The following TASOR variants were observed in gnomAD, a reference collection of about 807,000 sequenced individuals.
TASOR encodes transcription activation suppressor, also known as protein TASOR.
In TASOR, 53 loss-of-function variants were observed where a neutral mutation model predicts 178.6. The observed-to-expected ratio is 0.30, with a 90% CI of 0.24 to 0.37. TASOR has a LOEUF of 0.37. Ranked by LOEUF, TASOR falls within the 10% of genes least tolerant of loss-of-function variation. The probability of loss-of-function intolerance (pLI) is 1.00; values close to 1 mark genes in which losing one functional copy is unlikely to be tolerated. For synonymous variants in TASOR, 713 were observed against 696.2 expected, an observed-to-expected ratio of 1.02 and a Z score of -0.38; for missense variants, 1,815 against 1,971.4, an observed-to-expected ratio of 0.92 and a Z score of 1.50.
chr3:56,627,555 TA>T, intron 20 of TASOR, 26 bp downstream of exon 20: 1 of 1,611,742 alleles, frequency 6.2e-7, no homozygotes. Context: ...GAAGAGGAGT[TA>T]CGTGCTCAAA....
chr3:56,659,153 G>C (rs1276229821), intron 11 of TASOR, among the ~76,000 whole-genome samples: 2 of 152,086 alleles, frequency 1.3e-5, no homozygotes, highest in African/African-American at 4.8e-5. Context: ...TAAATTCTAT[G>C]TAGCCATTAA....
chr3:56,677,667 T>A (rs1424474778), intron 1 of TASOR, among the ~76,000 whole-genome samples: 59 of 152,164 alleles, frequency 3.9e-4, no homozygotes, highest in Non-Finnish European at 4.4e-5. Flanking sequence ...AATGACTGTT[T>A]CCTCACTTTA....
chr3:56,661,955 G>T (rs886579018), intron 9 of TASOR, among the ~76,000 whole-genome samples: 1 of 137,208 alleles, frequency 7.3e-6, no homozygotes, highest in Non-Finnish European at 1.5e-5. Context: ...CAAAAGCCCC[G>T]TCTCTACTAA....
At chr3:56,653,200 T>C (rs1205840965) in intron 11 of TASOR, among the ~76,000 whole-genome samples, 4 of 128,996 alleles carry the variant, frequency 3.1e-5, no homozygotes, top group Admixed American at 9.4e-5. Context: ...GAGGTGGAGG[T>C]TGCAGTCAGC....
chr3:56,682,750 G>A lies in TASOR; in HGVS notation c.257C>T (p.Pro86Leu), dbSNP rs2031919059. The change falls in exon 1 of 24, where the codon CCC becomes CTC. Residue 86 changes from proline to leucine, a missense_variant. Physicochemically the swap from Pro to Leu is moderately conservative, Grantham distance 98. Around this residue, in one of 5 missense-constraint regions of TASOR, gnomAD observed 244 missense variants for 202.7 expected, o/e 1.20. Transcript: ENST00000683822. ...DSSEAGAAAL[P>L]RGPEEPERPV... ...CCTTTCGGGCTCTTCGGGGCCTCTG[G>A]GCAGGGCGGCCGCGCCCGCCTCAGA... 7 of 1,537,076 alleles carry A rather than the reference G, an allele frequency of 4.6e-6. No individual in the cohort carries two copies. In the South Asian group the frequency reaches 6.0e-5, roughly 13 times the overall value.
chr3:56,662,297 A>G lies in TASOR; in HGVS notation c.1160+88T>C. On this transcript the variant is annotated intron_variant, in intron 9 of 23. Coordinates refer to ENST00000683822, the MANE Select transcript of TASOR (RefSeq NM_001365635.2). ...TATTGAAGTTCTTATGAACCAAAAT[A>G]AAATTTAAATATGAAAAAGAAATAA... 3 of 733,722 alleles carry G rather than the reference A, an allele frequency of 4.1e-6. No homozygotes were observed. In the South Asian group the frequency reaches 5.0e-5, roughly 12 times the overall value. The allele number at this position is 733,722 out of a possible 1,614,324, so 45.5% of individuals were successfully genotyped here.
intron 23 of TASOR, chr3:56,623,927 CTAGT>C (rs1229408177): frequency 9.1e-7 from 1 of 1,097,584 alleles, no homozygotes; most frequent in Non-Finnish European, 1.3e-6. Flanking sequence ...GATTACTAAA[CTAGT>C]TGGTTAGCAC....
At chr3:56,652,557 A>T (rs1049695920) in intron 11 of TASOR, among the ~76,000 whole-genome samples, 3 of 50,310 alleles carry the variant, frequency 6.0e-5, no homozygotes, top group South Asian at 4.5e-4. Context: ...CTGCCTATTT[A>T]AAAAAAAAAA....
At chr3:56,651,927 GA>G (rs1165117795) in intron 11 of TASOR, among the ~76,000 whole-genome samples, 1 of 152,044 alleles carries the variant, frequency 6.6e-6, no homozygotes, top group Non-Finnish European at 1.5e-5. Context: ...TAGTAGCCAA[GA>G]AATAGAAATA....
rs2029964508 is a variant in TASOR at position 56,666,325 on chromosome 3, T to C, written c.957A>G (p.Pro319=). The change falls in exon 7 of 24, where the codon CCA becomes CCG. Residue 319 remains proline, a synonymous_variant. Transcript: ENST00000683822. ...TGTAAGTAAAAGACACAACTGCATA[T>C]GGACAAACGTGTCTTGGTCTTCGCC... The part of the protein sequence containing the change: ...ELRRRPRHVC[P]YAVVSFTYKD... The C allele has an allele frequency of 1.9e-6, 3 of 1,547,082 alleles. No individual in the cohort carries two copies. The highest frequency in any genetic ancestry group is 2.5e-5 in the East Asian group (1 of 40,810).
Position 56,633,806 on chromosome 3 carries a change from T to C in TASOR, c.2985A>G (p.Thr995=). The C allele has an allele frequency of 6.2e-7, 1 of 1,614,200 alleles. No homozygotes were observed. Among genetic ancestry groups the C allele is most frequent in the Non-Finnish European group, 8.5e-7 (1 of 1,180,032 alleles). Residue 995 remains threonine, a synonymous_variant, in exon 18 of 24, where the codon ACA becomes ACG. Coordinates refer to ENST00000683822, the MANE Select transcript of TASOR (RefSeq NM_001365635.2). The stretch of plus-strand genomic sequence containing the variant: ...GCACACACTGCTCCTCCACCTGACC[T>C]GTCAACACGTCATCCTCAGTGGTGC... The part of the protein sequence containing the change: ...LKGTTEDDVL[T]GQVEEQCVPA...
chr3:56,633,069 T>A lies in TASOR; in HGVS notation c.3722A>T (p.Glu1241Val). ...CTTTATTTCTTTACAGAGCACACTC[T>A]CTTCTTCTTCATGAATATAAAATTT... ...TVKFYIHEEEESVLCKEIKEY... is the reference protein window; with the variant it reads ...TVKFYIHEEEVSVLCKEIKEY... Residue 1241 changes from glutamate to valine, a missense_variant, in exon 18 of 24, where the codon GAG (glutamate) becomes GTG (valine). Physicochemically the swap from Glu to Val is moderately radical, Grantham distance 121. Coordinates refer to ENST00000683822, the MANE Select transcript of TASOR (RefSeq NM_001365635.2). 1.9e-6 allele frequency: 3 copies of A among 1,602,368 alleles called. No individual in the cohort carries two copies. The highest frequency in any genetic ancestry group is 2.6e-6 in the Non-Finnish European group (3 of 1,175,968).
At chr3:56,663,492 T>G (rs2077643429) in intron 8 of TASOR, 49 bp downstream of exon 8, 5 of 950,290 alleles carry the variant, frequency 5.3e-6, no homozygotes, top group Non-Finnish European at 7.3e-6. Flanking sequence ...TTTTGCTATA[T>G]GTACTTATTC....
intron 9 of TASOR, among the ~76,000 whole-genome samples, chr3:56,661,428 T>C (rs1437147632): frequency 6.6e-6 from 1 of 152,144 alleles, no homozygotes; most frequent in African/African-American, 2.4e-5. Context: ...AGTGTTGGGA[T>C]TACATGAGTG....
rs142961863 is a variant in TASOR, at chr3:56,622,739, C to CG, written c.*297dup. 0.044 allele frequency: 8,770 copies of CG among 197,344 alleles called. 221 individuals are homozygous for CG. The highest frequency in any genetic ancestry group is 0.09 in the East Asian group (776 of 8,656). The allele number at this position is 197,344 out of a possible 1,614,324, so 12.2% of individuals were successfully genotyped here. Reference sequence around the variant, plus strand: ...AAGAAGTAAAGCCTTTGCTGTTTACCGTCCTCCTGCAAGCATCTGATTTTA... The same window carrying CG: ...AAGAAGTAAAGCCTTTGCTGTTTACCGGTCCTCCTGCAAGCATCTGATTTTA... On this transcript the variant is annotated 3_prime_UTR_variant, in exon 24 of 24. Coordinates refer to ENST00000683822, the MANE Select transcript of TASOR (RefSeq NM_001365635.2).
Position 56,683,169 on chromosome 3 carries a change from G to T in TASOR, c.-163C>A, listed in dbSNP as rs537380711. 34 of 731,382 alleles carry T rather than the reference G, an allele frequency of 4.6e-5. No homozygotes were observed. In the South Asian group the frequency reaches 4.7e-4, roughly 10 times the overall value. 45.3% of individuals were successfully genotyped at this position (731,382 alleles called of 1,614,324 possible). On this transcript the variant is annotated 5_prime_UTR_variant, in exon 1 of 24. Transcript: ENST00000683822. ...TCCCGACCTGGCAGCCTCTTGGGGGGCCCTGTAGCGGGCACCCCAAATGCG... is the reference window on the plus strand; with the variant it reads ...TCCCGACCTGGCAGCCTCTTGGGGGTCCCTGTAGCGGGCACCCCAAATGCG...
rs948242752 is a variant in TASOR at position 56,661,488 on chromosome 3, T to C, written c.1161-471A>G. On this transcript the variant is annotated intron_variant, in intron 9 of 23. Transcript: ENST00000683822. ...GGATTTGATACTGGAAGTCCAGATATATACATGGGTAGATAGCTAGCCAGG... is the reference window on the plus strand; with the variant it reads ...GGATTTGATACTGGAAGTCCAGATACATACATGGGTAGATAGCTAGCCAGG... Among the ~76,000 whole-genome samples, 6 of 152,322 alleles carry C rather than the reference T, an allele frequency of 3.9e-5. 1 individual carries two copies. The highest frequency in any genetic ancestry group is 9.6e-5 in the African/African-American group (4 of 41,582).
intron 8 of TASOR, 57 bp downstream of exon 8, chr3:56,663,484 T>C: frequency 1.1e-6 from 1 of 919,082 alleles, no homozygotes. Flanking sequence ...ACTTAATCTT[T>C]TGCTATATGT....
At position 56,623,548 on chromosome 3, in the gene TASOR, T is replaced by A. The variant is rs1386732557; in HGVS notation, c.4502A>T (p.Glu1501Val). The change falls in exon 24 of 24, where the codon GAA becomes GTA. Residue 1501 changes from glutamate to valine, a missense_variant. By Grantham distance (121) the Glu-to-Val change is moderately radical. Transcript: ENST00000683822. Reference protein sequence around the residue: ...ESQSALLENDEKDEEDMSLDS... With the variant: ...ESQSALLENDVKDEEDMSLDS... ...CAGAGACATATCCTCTTCATCCTTT[T>A]CATCGTTTTCTAAAAGAGCTACATT... The A allele has an allele frequency of 6.4e-7, 1 of 1,573,330 alleles. No homozygotes were observed. The highest frequency in any genetic ancestry group is 8.6e-7 in the Non-Finnish European group (1 of 1,168,256).
Sources: gnomAD v4.1 joint callset for allele counts (sites outside exome capture counted in the v4.1 genomes callset) on GRCh38, gnomAD v4.1.1 for gene constraint, gnomAD v4.1.1 regional missense constraint, MANE v1.5 for transcripts, NCBI Gene and HGNC (gene_info 2026-07-23, HGNC 2026-07-21) for gene names.